The following CERS6 variants were observed in gnomAD, a reference collection of about 807,000 sequenced individuals.
CERS6 encodes the protein LAG1 homolog, ceramide synthase 6.
CERS6 carries 26 observed loss-of-function variants against 56.8 expected under a neutral mutation model. The observed-to-expected ratio is 0.46, with a 90% CI of 0.34 to 0.63. CERS6 has a LOEUF of 0.63. Ranked by LOEUF, CERS6 falls within the 30% of genes least tolerant of loss-of-function variation. CERS6 has a pLI of 0.01. For missense variants in CERS6, 415 were observed against 467.5 expected, an observed-to-expected ratio of 0.89 and a Z score of 1.04; for synonymous variants, 164 against 173.3, an observed-to-expected ratio of 0.95 and a Z score of 0.42.
intron 6 of CERS6, among the ~76,000 whole-genome samples, chr2:168,714,347 G>A (rs1687173866): frequency 6.6e-6 from 1 of 152,202 alleles, no homozygotes; most frequent in African/African-American, 2.4e-5. Context: ...GTAGGCAGTG[G>A]ACTGCCCAGG....
chr2:168,547,769 T>G, intron 2 of CERS6, 68 bp downstream of exon 2: 1 of 1,119,720 alleles, frequency 8.9e-7, no homozygotes, highest in Non-Finnish European at 1.4e-6. Context: ...GTCATTCAAT[T>G]TGTCCCCTTC....
chr2:168,540,976 A>G (rs1176655631), intron 1 of CERS6, among the ~76,000 whole-genome samples: 3 of 152,208 alleles, frequency 2.0e-5, no homozygotes, highest in African/African-American at 7.2e-5. Context: ...TATTTAGCAC[A>G]TGATTCTGAT....
chr2:168,758,739 G>A (rs988433375), intron 8 of CERS6, among the ~76,000 whole-genome samples: 2 of 152,164 alleles, frequency 1.3e-5, no homozygotes, highest in Non-Finnish European at 2.9e-5. Context: ...CTTGGAAGTC[G>A]CATGAGAATG....
At chr2:168,607,798 A>G (rs764495556) in intron 3 of CERS6, among the ~76,000 whole-genome samples, 1 of 152,230 alleles carries the variant, frequency 6.6e-6, no homozygotes, top group Non-Finnish European at 1.5e-5. Context: ...ATTACAATAT[A>G]TTTTGGAAGC....
Position 168,695,122 on chromosome 2 carries a change from C to T in CERS6, c.609+71C>T, listed in dbSNP as rs188970663. ...ATGGCCCTTAGCAGGTGGGTTTAGA[C>T]TCTCAAAGGCACTCACCCCTGTTCT... On this transcript the variant is annotated intron_variant, in intron 6 of 9. Coordinates refer to ENST00000305747, the MANE Select transcript of CERS6 (RefSeq NM_203463.3). 364 of 1,162,246 alleles carry T rather than the reference C, an allele frequency of 3.1e-4. 1 individual carries two copies. The African/African-American group carries it at 4.4e-3, about 14-fold the overall frequency. The allele number at this position is 1,162,246 out of a possible 1,614,324, so 72.0% of individuals were successfully genotyped here. A position where few individuals can be genotyped will look rare whatever the true frequency, so the allele number is the denominator to read the frequency against.
chr2:168,712,307 C>T (rs946790478), intron 6 of CERS6, among the ~76,000 whole-genome samples: 1 of 152,210 alleles, frequency 6.6e-6, no homozygotes, highest in African/African-American at 2.4e-5. Flanking sequence ...TTAGCACTGT[C>T]ACCCACACTG....
In CERS6 at chr2:168,773,926, A is replaced by ACTTC. The variant is rs891274336; in HGVS notation, c.*4265_*4266insTTCC. On this transcript the variant is annotated 3_prime_UTR_variant, in exon 10 of 10. Coordinates refer to ENST00000305747, the MANE Select transcript of CERS6 (RefSeq NM_203463.3). ...AAGGCCTGTCCACGAGGCTGTTGGA[A>ACTTC]CCCCTCCAATAAATACTTAGAGGTA... The ACTTC allele has an allele frequency of 1.3e-5, 2 of 152,088 alleles. No individual in the cohort carries two copies. The highest frequency in any genetic ancestry group is 4.8e-5 in the African/African-American group (2 of 41,412). The allele number at this position is 152,088 out of a possible 1,614,324, so 9.4% of individuals were successfully genotyped here. A position where few individuals can be genotyped will look rare whatever the true frequency, so the allele number is the denominator to read the frequency against.
intron 1 of CERS6, among the ~76,000 whole-genome samples, chr2:168,457,903 C>T (rs1485929114): frequency 6.6e-6 from 1 of 152,134 alleles, no homozygotes; most frequent in Non-Finnish European, 1.5e-5. Flanking sequence ...AAAACGAAGT[C>T]AGCTGTTCGC....
At chr2:168,645,699 C>T (rs1685182523) in intron 4 of CERS6, among the ~76,000 whole-genome samples, 1 of 152,180 alleles carries the variant, frequency 6.6e-6, no homozygotes. Context: ...CCACCCACCA[C>T]CGTCAGGGAG....
chr2:168,560,757 T>C (rs975535620), intron 2 of CERS6, among the ~76,000 whole-genome samples: 3 of 152,170 alleles, frequency 2.0e-5, no homozygotes, highest in Non-Finnish European at 4.4e-5. Flanking sequence ...TCCTGATATG[T>C]GATGATTGGG....
At chr2:168,672,128 C>T (rs991718695) in intron 4 of CERS6, among the ~76,000 whole-genome samples, 1 of 152,154 alleles carries the variant, frequency 6.6e-6, no homozygotes, top group African/African-American at 2.4e-5. Flanking sequence ...TTAATGGTTG[C>T]CTCATGGATA....
chr2:168,571,445 G>T (rs1442009987), intron 3 of CERS6, among the ~76,000 whole-genome samples: 1 of 152,086 alleles, frequency 6.6e-6, no homozygotes, highest in African/African-American at 2.4e-5. Context: ...GAAGGAGTTT[G>T]TGCATAAGAT....
chr2:168,625,052 G>T (rs1684560164), intron 3 of CERS6, among the ~76,000 whole-genome samples: 1 of 152,076 alleles, frequency 6.6e-6, no homozygotes. Flanking sequence ...TTTTATGAAA[G>T]AAAAATTTTA....
intron 4 of CERS6, among the ~76,000 whole-genome samples, chr2:168,633,567 G>T (rs776537863): frequency 1.3e-5 from 2 of 152,134 alleles, no homozygotes; most frequent in African/African-American, 2.4e-5. Flanking sequence ...CATGATTTCT[G>T]AGTGACTTCC....
intron 3 of CERS6, among the ~76,000 whole-genome samples, chr2:168,592,584 G>T (rs1683698165): frequency 6.6e-6 from 1 of 152,110 alleles, no homozygotes; most frequent in Admixed American, 6.6e-5. Flanking sequence ...GAATTAGCAG[G>T]AATGAAAGGC....
intron 3 of CERS6, among the ~76,000 whole-genome samples, chr2:168,616,974 A>G (rs188742927): frequency 6.6e-6 from 1 of 152,350 alleles, no homozygotes; most frequent in Non-Finnish European, 1.5e-5. Flanking sequence ...AAGACAGACC[A>G]TATGATAGGC....
chr2:168,610,071 G>A (rs935976779), intron 3 of CERS6, among the ~76,000 whole-genome samples: 8 of 139,590 alleles, frequency 5.7e-5, no homozygotes, highest in East Asian at 2.3e-4. Context: ...TCTGCCTCCC[G>A]GGTTCATGCC....
chr2:168,474,079 A>C (rs900019872), intron 1 of CERS6, among the ~76,000 whole-genome samples: 25 of 152,322 alleles, frequency 1.6e-4, no homozygotes, highest in Admixed American at 1.4e-3. Flanking sequence ...AAAACAAAAG[A>C]AAATATGAAT....
At chr2:168,530,973 A>C (rs111658237) in intron 1 of CERS6, among the ~76,000 whole-genome samples, 2,193 of 152,362 alleles carry the variant, frequency 0.014, 61 homozygotes, top group African/African-American at 0.05. Context: ...TAATAAAAGC[A>C]ACCACTGTCT....
Sources: gnomAD v4.1 joint callset for allele counts (sites outside exome capture counted in the v4.1 genomes callset) on GRCh38, gnomAD v4.1.1 for gene constraint, MANE v1.5 for transcripts, NCBI Gene and HGNC (gene_info 2026-07-23, HGNC 2026-07-21) for gene names.